The following SCAND3 variants were observed in gnomAD, a reference collection of about 807,000 sequenced individuals.
SCAND3 encodes SCAN domain containing 3.
chr6:28,585,187 CTG>C, the SCAND3 span: 2 of 152,202 alleles, frequency 1.3e-5, no homozygotes, highest in Non-Finnish European at 2.9e-5. Context: ...TTTCAAAACA[CTG>C]TATAGTTTCA....
the SCAND3 span, among the ~76,000 whole-genome samples, chr6:28,593,939 C>A: frequency 6.6e-6 from 1 of 152,162 alleles, no homozygotes; most frequent in Non-Finnish European, 1.5e-5. Flanking sequence ...CACTTGGGTT[C>A]GAACTCCTGG....
At chr6:28,594,839 G>A in the SCAND3 span, among the ~76,000 whole-genome samples, 1 of 151,976 alleles carries the variant, frequency 6.6e-6, no homozygotes, top group Non-Finnish European at 1.5e-5. Flanking sequence ...AGTTGAACTC[G>A]TAGAAATAGA....
At chr6:28,595,330 C>CAAAAAAAAAAAAAAAAAA in the SCAND3 span, among the ~76,000 whole-genome samples, 7 of 37,328 alleles carry the variant, frequency 1.9e-4, no homozygotes, top group African/African-American at 2.7e-4. Context: ...AACCCAGTCT[C>CAAAAAAAAAAAAAAAAAA]AAAAAAAAAA....
chr6:28,589,412 T>C, the SCAND3 span: 1 of 152,120 alleles, frequency 6.6e-6, no homozygotes, highest in East Asian at 1.9e-4. Flanking sequence ...ACTCTGGACT[T>C]TGAATCCAGC....
At chr6:28,614,623 C>T in the SCAND3 span, among the ~76,000 whole-genome samples, 1 of 152,028 alleles carries the variant, frequency 6.6e-6, no homozygotes, top group African/African-American at 2.4e-5. Flanking sequence ...CATCACCACA[C>T]CCAGCTAATT....
chr6:28,599,842 A>C, the SCAND3 span, among the ~76,000 whole-genome samples: 1 of 152,226 alleles, frequency 6.6e-6, no homozygotes, highest in Non-Finnish European at 1.5e-5. Context: ...ACCCATAGTA[A>C]ACTTACCTTT....
the SCAND3 span, among the ~76,000 whole-genome samples, chr6:28,577,243 AG>A: frequency 5.4e-4 from 82 of 152,338 alleles, no homozygotes; most frequent in South Asian, 6.6e-3. Flanking sequence ...CTAAGTGTTA[AG>A]GAAAAAAACT....
chr6:28,603,737 C>A, the SCAND3 span, among the ~76,000 whole-genome samples: 5 of 151,976 alleles, frequency 3.3e-5, no homozygotes, highest in Non-Finnish European at 7.4e-5. Flanking sequence ...AATCAGTATT[C>A]TGTGGCTGTG....
the SCAND3 span, among the ~76,000 whole-genome samples, chr6:28,601,612 C>T: frequency 1.3e-5 from 2 of 152,120 alleles, no homozygotes; most frequent in African/African-American, 4.8e-5. Context: ...CTCCGCCTCT[C>T]AGGCTCAAAT....
chr6:28,572,671 T>C, the SCAND3 span: 2 of 1,614,110 alleles, frequency 1.2e-6, no homozygotes, highest in Middle Eastern at 1.7e-4. The surrounding 1 kb of genome is among the most constrained non-coding windows in gnomAD (Gnocchi z 4.1). Context: ...ATTTCGTATT[T>C]CAAACATTCT....
At chr6:28,572,286 T>C in the SCAND3 span, 3 of 1,608,168 alleles carry the variant, frequency 1.9e-6, no homozygotes, top group Non-Finnish European at 2.5e-6. The surrounding 1 kb of genome is among the most constrained non-coding windows in gnomAD (Gnocchi z 4.1). Context: ...ACAAATTTCC[T>C]ATGCGTGGAT....
At chr6:28,614,841 C>G in the SCAND3 span, among the ~76,000 whole-genome samples, 1 of 152,142 alleles carries the variant, frequency 6.6e-6, no homozygotes, top group South Asian at 2.1e-4. Flanking sequence ...TAAAAATATT[C>G]CAGCCTAGAA....
chr6:28,596,531 G>C, the SCAND3 span, among the ~76,000 whole-genome samples: 1 of 151,862 alleles, frequency 6.6e-6, no homozygotes, highest in East Asian at 1.9e-4. Flanking sequence ...ATTATGGATG[G>C]GTGCAAGATT....
the SCAND3 span, among the ~76,000 whole-genome samples, chr6:28,615,135 C>T: frequency 6.6e-6 from 1 of 152,214 alleles, no homozygotes; most frequent in Non-Finnish European, 1.5e-5. Context: ...ATAGAGCTCT[C>T]TGCACAGCCT....
the SCAND3 span, chr6:28,571,809 T>A: frequency 7.0e-7 from 1 of 1,438,226 alleles, no homozygotes; most frequent in Non-Finnish European, 9.2e-7. Flanking sequence ...CTTCCATAAC[T>A]GTAACTAGAC....
chr6:28,599,030 C>CA, the SCAND3 span, among the ~76,000 whole-genome samples: 1 of 150,674 alleles, frequency 6.6e-6, no homozygotes, highest in Non-Finnish European at 1.5e-5. Context: ...ATATTAGCAC[C>CA]AAAAAAAGAA....
At chr6:28,573,633 A>C in the SCAND3 span, 4 of 1,612,744 alleles carry the variant, frequency 2.5e-6, no homozygotes, top group Non-Finnish European at 3.4e-6. Context: ...TTAGTACTTC[A>C]CCATCAATTA....
At chr6:28,573,801 A>G in the SCAND3 span, 1 of 1,542,628 alleles carries the variant, frequency 6.5e-7, no homozygotes, top group Non-Finnish European at 8.7e-7. Flanking sequence ...TCTTGACAAA[A>G]AAGTCCAGTG....
chr6:28,575,247 C>G, the SCAND3 span: 1 of 1,613,978 alleles, frequency 6.2e-7, no homozygotes, highest in Non-Finnish European at 8.5e-7. The surrounding 1 kb of genome is among the most constrained non-coding windows in gnomAD (Gnocchi z 4.2). Context: ...TAGTTTGCAT[C>G]CAGGAGAAAA....
Sources: allele counts gnomAD v4.1 joint callset (sites outside exome capture counted in the v4.1 genomes callset), GRCh38; gene constraint gnomAD v4.1.1; non-coding constraint Gnocchi (gnomAD v3.1); transcripts MANE v1.5; gene names NCBI Gene and HGNC (gene_info 2026-07-23, HGNC 2026-07-21).